The following UMAD1 variants were observed in gnomAD, a reference collection of about 807,000 sequenced individuals.
UMAD1 encodes UBAP1-MVB12-associated (UMA)-domain containing protein 1.
In UMAD1, 8 loss-of-function variants were observed where a neutral mutation model predicts 6.1. The ratio of observed to expected loss-of-function variants is 1.30; its 90% CI spans 0.76 to 2.35. The LOEUF (loss-of-function observed/expected upper bound fraction) is 2.35. UMAD1 is among the 30% of genes most tolerant of loss of function. UMAD1 has a pLI of 0.00. For missense variants in UMAD1, 130 were observed against 78.4 expected, an observed-to-expected ratio of 1.66 and a Z score of -2.49; for synonymous variants, 56 against 31.4, an observed-to-expected ratio of 1.78 and a Z score of -2.61.
chr7:7,647,612 A>G (rs572910546), intron 1 of UMAD1, among the ~76,000 whole-genome samples: 56 of 152,228 alleles, frequency 3.7e-4, no homozygotes, highest in African/African-American at 1.3e-3. Flanking sequence ...TGCTATATAT[A>G]TACATTTCTT....
chr7:7,865,652 C>T (rs973717214), intron 3 of UMAD1, among the ~76,000 whole-genome samples: 1 of 152,216 alleles, frequency 6.6e-6, no homozygotes, highest in South Asian at 2.1e-4. Context: ...GCTCTCCTTC[C>T]TTTTCAGTAC....
In UMAD1 at chr7:7,816,216, C is replaced by T. The variant is rs530074545; in HGVS notation, c.156+14473C>T. 9.2e-4 allele frequency among the ~76,000 whole-genome samples: 140 copies of T among 152,206 alleles called. 1 individual carries two copies. The highest frequency in any genetic ancestry group is 8.7e-4 in the Non-Finnish European group (59 of 68,016). On this transcript the variant is annotated intron_variant, in intron 3 of 3. Coordinates refer to ENST00000682710, the MANE Select transcript of UMAD1 (RefSeq NM_001302348.2). ...AAAAAAACAGTAACATTAATGGAAC[C>T]GGAATTGAGACTTGCGCCTGACTAA...
At position 7,793,274 on chromosome 7, in the gene UMAD1, G is replaced by T. The variant is rs142774338; in HGVS notation, c.83-8396G>T. On this transcript the variant is annotated intron_variant, in intron 2 of 3. Transcript: ENST00000682710. ...GGCACTGAGAAGTAACTTGTACAAG[G>T]TCATAGATTTGGTAGAGGATTTGGG... 8.1e-4 allele frequency among the ~76,000 whole-genome samples: 123 copies of T among 152,284 alleles called. 2 individuals carry two copies. Among genetic ancestry groups the T allele is most frequent in the Non-Finnish European group, 1.5e-3 (103 of 68,034 alleles).
At chr7:7,698,383 C>T (rs1320708024) in intron 2 of UMAD1, among the ~76,000 whole-genome samples, 1 of 152,168 alleles carries the variant, frequency 6.6e-6, no homozygotes, top group Non-Finnish European at 1.5e-5. Flanking sequence ...TCAATTTCAA[C>T]CAAACTGGTA....
At chr7:7,742,300 C>CTCAG (rs1341239234) in intron 2 of UMAD1, 13 of 643,536 alleles carry the variant, frequency 2.0e-5, no homozygotes, top group African/African-American at 9.0e-5. Context: ...TCATGGCCGA[C>CTCAG]TCAGTGGTCA....
intron 1 of UMAD1, among the ~76,000 whole-genome samples, chr7:7,646,505 T>A (rs945497183): frequency 2.2e-5 from 3 of 136,880 alleles, no homozygotes. Context: ...TTTTTTTTTT[T>A]AATTCTCTCG....
chr7:7,681,066 A>G (rs1563116772), intron 2 of UMAD1, among the ~76,000 whole-genome samples: 3 of 152,170 alleles, frequency 2.0e-5, no homozygotes, highest in South Asian at 2.1e-4. Flanking sequence ...TGATGTCTAA[A>G]TGATAAAGCT....
chr7:7,788,580 G>A (rs1208043226), intron 2 of UMAD1, among the ~76,000 whole-genome samples: 2 of 152,146 alleles, frequency 1.3e-5, no homozygotes, highest in Non-Finnish European at 2.9e-5. Context: ...GGATCTACCA[G>A]TAGCAGGCTC....
chr7:7,839,427 C>T (rs13236838), intron 3 of UMAD1, among the ~76,000 whole-genome samples: 46,774 of 152,068 alleles, frequency 0.31, 7,727 homozygotes, highest in Admixed American at 0.38. Flanking sequence ...GTTGCCCAGA[C>T]GGATCTTGAA....
chr7:7,668,292 G>A (rs1424935154), intron 1 of UMAD1, among the ~76,000 whole-genome samples: 2 of 152,096 alleles, frequency 1.3e-5, no homozygotes, highest in Admixed American at 1.3e-4. Context: ...AGGAGATAGA[G>A]CATACAGTAG....
At chr7:7,833,156 A>T (rs969928162) in intron 3 of UMAD1, among the ~76,000 whole-genome samples, 1 of 152,160 alleles carries the variant, frequency 6.6e-6, no homozygotes, top group African/African-American at 2.4e-5. Context: ...CTGTGGAGGC[A>T]CTGCGTGGTT....
chr7:7,679,711 A>AAT lies in UMAD1; in HGVS notation c.82+6278_82+6279dup, dbSNP rs372324513. On this transcript the variant is annotated intron_variant, in intron 2 of 3. Transcript: ENST00000682710. The stretch of plus-strand genomic sequence containing the variant: ...TATTTATATATTTAATTTATAGATA[A>AAT]ATATATATATATATATATATACACA... 2.5e-3 allele frequency among the ~76,000 whole-genome samples: 327 copies of AAT among 128,432 alleles called. 6 individuals are homozygous for AAT. The highest frequency in any genetic ancestry group is 4.8e-3 in the South Asian group (21 of 4,340). The allele number at this position is 128,432 out of a possible 152,430, so 84.3% of individuals were successfully genotyped here. A position where few individuals can be genotyped will look rare whatever the true frequency, so the allele number is the denominator to read the frequency against.
chr7:7,787,618 C>A (rs1450348325), intron 2 of UMAD1, among the ~76,000 whole-genome samples: 1 of 152,172 alleles, frequency 6.6e-6, no homozygotes, highest in Non-Finnish European at 1.5e-5. Flanking sequence ...AGTAAAATCT[C>A]TTTTCTTTCT....
intron 2 of UMAD1, among the ~76,000 whole-genome samples, chr7:7,695,661 TAAA>T (rs1396844654): frequency 6.6e-6 from 1 of 152,272 alleles, no homozygotes; most frequent in Non-Finnish European, 1.5e-5. Context: ...GGCCCTGAAT[TAAA>T]AAAGACATTG....
intron 1 of UMAD1, among the ~76,000 whole-genome samples, chr7:7,652,076 C>T (rs1193820818): frequency 6.6e-6 from 1 of 152,148 alleles, no homozygotes; most frequent in Admixed American, 6.5e-5. Flanking sequence ...GGTCTCCATG[C>T]AGTGGGATGT....
chr7:7,688,960 A>G (rs1780105635), intron 2 of UMAD1, among the ~76,000 whole-genome samples: 1 of 152,208 alleles, frequency 6.6e-6, no homozygotes, highest in African/African-American at 2.4e-5. Context: ...TTTAAATTAT[A>G]CTTACTTTAT....
intron 2 of UMAD1, among the ~76,000 whole-genome samples, chr7:7,758,172 G>A (rs1027638286): frequency 5.3e-5 from 8 of 152,042 alleles, no homozygotes; most frequent in African/African-American, 1.7e-4. Flanking sequence ...GCCTCCCAGT[G>A]TGCTATGGTT....
chr7:7,684,528 T>G (rs1294549539), intron 2 of UMAD1, among the ~76,000 whole-genome samples: 1 of 152,126 alleles, frequency 6.6e-6, no homozygotes, highest in Non-Finnish European at 1.5e-5. Flanking sequence ...AATTTTTTTT[T>G]CTGAATAATT....
chr7:7,868,312 A>G (rs1185344689), intron 3 of UMAD1: 1 of 152,070 alleles, frequency 6.6e-6, no homozygotes, highest in Non-Finnish European at 1.5e-5. Flanking sequence ...TCCTCTTTCC[A>G]CCGCGCCCCC....
Sources: gnomAD v4.1 joint callset for allele counts (sites outside exome capture counted in the v4.1 genomes callset) on GRCh38, gnomAD v4.1.1 for gene constraint, MANE v1.5 for transcripts, NCBI Gene and HGNC (gene_info 2026-07-23, HGNC 2026-07-21) for gene names.